ARHGAP26: variants seen among roughly 807,000 people sequenced by gnomAD.
ARHGAP26 encodes Rho GTPase activating protein 26.
In ARHGAP26, 38 loss-of-function variants were observed where a neutral mutation model predicts 104.8. That is an observed-to-expected ratio of 0.36 (90% CI 0.28 to 0.48). ARHGAP26 has a LOEUF of 0.48. Among genes scored for constraint, ARHGAP26 ranks in the 20% least tolerant of loss-of-function variants. The pLI, the probability that ARHGAP26 is intolerant of heterozygous loss-of-function variation, is 0.99. For missense variants in ARHGAP26, 704 were observed against 947.9 expected, an observed-to-expected ratio of 0.74 and a Z score of 3.38; for synonymous variants, 341 against 340.0, an observed-to-expected ratio of 1.00 and a Z score of -0.03.
intron 9 of ARHGAP26, among the ~76,000 whole-genome samples, chr5:142,909,911 C>G (rs942956027): frequency 1.3e-5 from 2 of 152,158 alleles, no homozygotes; most frequent in Non-Finnish European, 2.9e-5. Context: ...CTATTCCTTT[C>G]TTATCACACT....
chr5:143,225,716 C>A lies in ARHGAP26; in HGVS notation c.*3270C>A. 4.4e-6 allele frequency: 1 copy of A among 228,370 alleles called. No homozygotes were observed. Among genetic ancestry groups the A allele is most frequent in the East Asian group, 6.3e-5 (1 of 15,930 alleles). 14.1% of individuals were successfully genotyped at this position (228,370 alleles called of 1,614,324 possible). A position where few individuals can be genotyped will look rare whatever the true frequency, so the allele number is the denominator to read the frequency against. On this transcript the variant is annotated 3_prime_UTR_variant, in exon 23 of 23. Transcript: ENST00000645722. ...CCAATGGGATCTTTTAGGTAACTCC[C>A]TCCCTAGCTTCCGTGTGTCTGTGCA... is the stretch of plus-strand genomic sequence containing the variant.
intron 20 of ARHGAP26, among the ~76,000 whole-genome samples, chr5:143,176,332 G>A (rs1055158901): frequency 2.6e-5 from 4 of 152,114 alleles, no homozygotes; most frequent in African/African-American, 9.7e-5. Context: ...ATGAACTGAC[G>A]TTCACTTCTT....
chr5:143,088,416 A>G (rs6580267), intron 17 of ARHGAP26, among the ~76,000 whole-genome samples: 147,359 of 152,140 alleles, frequency 0.97, 71,390 homozygotes, highest in East Asian at 1. Flanking sequence ...GGTTAAATAT[A>G]TTGTTCTGAG....
intron 1 of ARHGAP26, among the ~76,000 whole-genome samples, chr5:142,789,421 T>G (rs1299951543): frequency 5.3e-5 from 8 of 152,192 alleles, no homozygotes; most frequent in Non-Finnish European, 1.2e-4. Flanking sequence ...TTCGTTTTAA[T>G]CTATCTAGTC....
At chr5:142,830,963 C>G (rs1447131098) in intron 1 of ARHGAP26, among the ~76,000 whole-genome samples, 5 of 152,142 alleles carry the variant, frequency 3.3e-5, no homozygotes, top group Non-Finnish European at 7.4e-5. Context: ...CAGATGAGCT[C>G]CTTTCATTAT....
intron 20 of ARHGAP26, chr5:143,168,549 C>A (rs1317565562): frequency 7.3e-6 from 1 of 137,688 alleles, no homozygotes; most frequent in Non-Finnish European, 1.5e-5. Context: ...CATTCTGCAT[C>A]ATCCTCTTTG....
At chr5:142,993,322 A>T (rs1394591637) in intron 11 of ARHGAP26, among the ~76,000 whole-genome samples, 1 of 151,872 alleles carries the variant, frequency 6.6e-6, no homozygotes, top group Non-Finnish European at 1.5e-5. Flanking sequence ...GGCGCCCGCC[A>T]CCGCGCCCGG....
intron 20 of ARHGAP26, among the ~76,000 whole-genome samples, chr5:143,152,195 CA>C (rs1799934221): frequency 6.6e-6 from 1 of 152,068 alleles, no homozygotes; most frequent in African/African-American, 2.4e-5. Flanking sequence ...CCATAGAACA[CA>C]AAGACTGAAT....
intron 12 of ARHGAP26, among the ~76,000 whole-genome samples, chr5:143,031,606 A>C (rs1313013676): frequency 1.3e-5 from 2 of 149,578 alleles, no homozygotes; most frequent in Non-Finnish European, 3.0e-5. Flanking sequence ...GGGAGGAGCC[A>C]GTGAAAAGTA....
At chr5:142,917,149 C>T (rs1005931667) in intron 10 of ARHGAP26, among the ~76,000 whole-genome samples, 2 of 151,944 alleles carry the variant, frequency 1.3e-5, no homozygotes, top group Admixed American at 6.6e-5. Flanking sequence ...AAGCAATTCT[C>T]CTGCCTCAGC....
rs542943452 is a variant in ARHGAP26, at chr5:143,205,513, A to C, written c.1989-1685A>C. The stretch of plus-strand genomic sequence containing the variant: ...TGTCATTTTCCCTTGCAAATAGGGT[A>C]GGTATCTAAAGGAAACACATGAATC... On this transcript the variant is annotated intron_variant, in intron 20 of 22. Coordinates refer to ENST00000645722, the MANE Select transcript of ARHGAP26 (RefSeq NM_001135608.3). Among the ~76,000 whole-genome samples the C allele has an allele frequency of 2.0e-5, 3 of 152,336 alleles. No individual in the cohort carries two copies. The East Asian group carries it at 5.8e-4, about 29-fold the overall frequency.
intron 14 of ARHGAP26, among the ~76,000 whole-genome samples, chr5:143,042,409 C>T (rs1338913203): frequency 1.3e-5 from 2 of 152,188 alleles, no homozygotes; most frequent in African/African-American, 4.8e-5. Flanking sequence ...AACCGAATAC[C>T]TGTCACTTGA....
At chr5:143,181,327 C>T (rs1804326947) in intron 20 of ARHGAP26, among the ~76,000 whole-genome samples, 1 of 152,236 alleles carries the variant, frequency 6.6e-6, no homozygotes, top group East Asian at 1.9e-4. Flanking sequence ...TTACTTTGAC[C>T]TTACTGTACT....
chr5:142,808,973 C>T (rs990322463), intron 1 of ARHGAP26, among the ~76,000 whole-genome samples: 7 of 152,210 alleles, frequency 4.6e-5, no homozygotes, highest in Admixed American at 3.3e-4. Context: ...GCACCTTGCC[C>T]ATCAGATGGC....
chr5:143,152,168 T>C (rs1404666144), intron 20 of ARHGAP26, among the ~76,000 whole-genome samples: 1 of 152,142 alleles, frequency 6.6e-6, no homozygotes, highest in Non-Finnish European at 1.5e-5. Flanking sequence ...CACAAGACAT[T>C]ATGCATTTGT....
At chr5:142,932,974 CATTT>C (rs1014275731) in intron 11 of ARHGAP26, among the ~76,000 whole-genome samples, 2 of 152,204 alleles carry the variant, frequency 1.3e-5, no homozygotes, top group African/African-American at 4.8e-5. Context: ...TATTGTATGA[CATTT>C]AATAATATAG....
chr5:143,214,921 A>T (rs549623918), intron 22 of ARHGAP26, among the ~76,000 whole-genome samples: 1 of 152,202 alleles, frequency 6.6e-6, no homozygotes, highest in East Asian at 1.9e-4. Flanking sequence ...TGCTCCATTA[A>T]CTTTCATCTA....
At position 143,218,008 on chromosome 5, in the gene ARHGAP26, CCTT is replaced by C. The variant is rs1810591436; in HGVS notation, c.2191+3924_2191+3926del. Among the ~76,000 whole-genome samples, 3 of 152,210 alleles carry C rather than the reference CCTT, an allele frequency of 2.0e-5. No homozygotes were observed. In the South Asian group the frequency reaches 6.2e-4, roughly 32 times the overall value. Reference sequence around the variant, plus strand: ...ACTTGACATACTGCAGCTTTGCAGGCCTTCTTTATGTTCTCAAGTAAGGTCAGC... The same window carrying C: ...ACTTGACATACTGCAGCTTTGCAGGCCTTTATGTTCTCAAGTAAGGTCAGC... On this transcript the variant is annotated intron_variant, in intron 22 of 22. Coordinates refer to ENST00000645722, the MANE Select transcript of ARHGAP26 (RefSeq NM_001135608.3).
intron 18 of ARHGAP26, 116 bp from the exon 19 acceptor site, chr5:143,133,851 C>G (rs1381116754): frequency 3.9e-6 from 4 of 1,023,456 alleles, no homozygotes; most frequent in Non-Finnish European, 5.4e-6. Context: ...GTGGTCTTCT[C>G]GGATCTTTTC....
Sources: allele counts gnomAD v4.1 joint callset (sites outside exome capture counted in the v4.1 genomes callset), GRCh38; gene constraint gnomAD v4.1.1; transcripts MANE v1.5; gene names NCBI Gene and HGNC (gene_info 2026-07-23, HGNC 2026-07-21).